CES1: variants seen among roughly 807,000 people sequenced by gnomAD.
CES1 encodes liver carboxylesterase 1.
A neutral mutation model predicts 53.0 loss-of-function variants in CES1; 50 were observed. The observed-to-expected ratio is 0.94, with a 90% CI of 0.75 to 1.19. The LOEUF is 1.19. CES1 is among the 50% of genes most tolerant of loss of function. CES1 has a pLI of 0.00. For synonymous variants in CES1, 202 were observed against 210.1 expected (o/e 0.96, Z 0.33); for missense variants, 534 against 538.0 (o/e 0.99, Z 0.07).
intron 2 of CES1, among the ~76,000 whole-genome samples, chr16:55,826,617 G>A (rs185778970): frequency 1.3e-5 from 2 of 152,270 alleles, no homozygotes; most frequent in Admixed American, 1.3e-4. Flanking sequence ...AATAGCTCAG[G>A]GGTGATATCT....
chr16:55,830,305 G>T (rs2032586357), intron 1 of CES1, among the ~76,000 whole-genome samples: 1 of 152,102 alleles, frequency 6.6e-6, no homozygotes, highest in African/African-American at 2.4e-5. Context: ...ATACTGAGAT[G>T]AACTTCCTTG....
intron 7 of CES1, among the ~76,000 whole-genome samples, 172 bp downstream of exon 7, chr16:55,819,363 T>A (rs545531767): frequency 3.9e-5 from 6 of 152,320 alleles, no homozygotes; most frequent in African/African-American, 1.4e-4. Context: ...TTGACTTTCT[T>A]TTTTTACATT....
At chr16:55,817,346 T>C (rs1315341371) in intron 7 of CES1, among the ~76,000 whole-genome samples, 15 of 152,202 alleles carry the variant, frequency 9.9e-5, no homozygotes, top group Non-Finnish European at 1.5e-5. Flanking sequence ...TATCCTATGA[T>C]CATCTGGACC....
At chr16:55,815,395 G>A (rs1597072827) in intron 8 of CES1, among the ~76,000 whole-genome samples, 1 of 152,212 alleles carries the variant, frequency 6.6e-6, no homozygotes, top group Admixed American at 6.5e-5. Flanking sequence ...GAAATGGGGA[G>A]AGAAGGTGAA....
intron 1 of CES1, among the ~76,000 whole-genome samples, chr16:55,830,563 G>A (rs1237666730): frequency 2.0e-5 from 3 of 152,142 alleles, no homozygotes; most frequent in East Asian, 1.9e-4. Flanking sequence ...AGCACTTTGG[G>A]AGGCCAAGGC....
At chr16:55,820,807 C>A (rs2032150804) in intron 5 of CES1, among the ~76,000 whole-genome samples, 1 of 152,088 alleles carries the variant, frequency 6.6e-6, no homozygotes, top group Non-Finnish European at 1.5e-5. Flanking sequence ...CCTTCCTCTG[C>A]CTGCCTCCCC....
chr16:55,818,185 G>T (rs1597076687), intron 7 of CES1, among the ~76,000 whole-genome samples: 1 of 152,182 alleles, frequency 6.6e-6, no homozygotes, highest in Admixed American at 6.5e-5. Flanking sequence ...CCCCCTCAAA[G>T]GGAATAGTTC....
chr16:55,823,134 C>G (rs2032270672), intron 4 of CES1, among the ~76,000 whole-genome samples: 2 of 151,888 alleles, frequency 1.3e-5, no homozygotes, highest in African/African-American at 4.8e-5. Flanking sequence ...CCTGAGCTCC[C>G]TCTGTGACTC....
chr16:55,825,546 A>C (rs1458994166), intron 3 of CES1, among the ~76,000 whole-genome samples: 1 of 152,276 alleles, frequency 6.6e-6, no homozygotes, highest in Non-Finnish European at 1.5e-5. Context: ...GCCAAAGGCA[A>C]AAGGAAGAGC....
chr16:55,830,612 G>A (rs1427282782), intron 1 of CES1, among the ~76,000 whole-genome samples: 1 of 152,032 alleles, frequency 6.6e-6, no homozygotes, highest in Non-Finnish European at 1.5e-5. Context: ...AGACCAGCCT[G>A]GCCAACATGG....
rs146595460 is a variant in CES1 at position 55,810,997 on chromosome 16, T to C, written c.1100A>G (p.Tyr367Cys). 6.5e-4 allele frequency: 1,037 copies of C among 1,602,090 alleles called. No individual in the cohort carries two copies. In the Middle Eastern group the frequency reaches 0.023, roughly 36 times the overall value. The change falls in exon 10 of 14, where the codon TAT becomes TGT. Residue 367 changes from tyrosine to cysteine, a missense_variant. Transcript: ENST00000360526. ...GWLIPMQLMS[Y>C]PLSEGQLDQK... is the part of the protein sequence containing the mutation. The stretch of plus-strand genomic sequence containing the variant: ...GTCCAGTTGCCCTTCGGAGAGTGGA[T>C]AGCTCATCAACTGCTAAAAAAAAAA...
intron 8 of CES1, among the ~76,000 whole-genome samples, chr16:55,815,383 T>A (rs2031894435): frequency 6.6e-6 from 1 of 152,162 alleles, no homozygotes; most frequent in South Asian, 2.1e-4. Context: ...CCATGAGACA[T>A]GGAAATGGGG....
At chr16:55,831,672 A>G (rs2032681059) in intron 1 of CES1, among the ~76,000 whole-genome samples, 1 of 148,544 alleles carries the variant, frequency 6.7e-6, no homozygotes, top group Admixed American at 6.8e-5. Context: ...ACCAGAGGTA[A>G]AGGAACATTC....
chr16:55,830,624 G>A (rs112508263), intron 1 of CES1, among the ~76,000 whole-genome samples: 5 of 152,152 alleles, frequency 3.3e-5, no homozygotes, highest in South Asian at 4.1e-4. Flanking sequence ...CCAACATGGT[G>A]AAACCCCCTC....
chr16:55,824,586 G>C (rs1199273926), intron 3 of CES1, among the ~76,000 whole-genome samples: 4 of 152,210 alleles, frequency 2.6e-5, no homozygotes, highest in Admixed American at 2.6e-4. Flanking sequence ...ACTCAAAAGT[G>C]GTAGCAGCAG....
At chr16:55,827,598 C>T (rs1225140559) in intron 2 of CES1, among the ~76,000 whole-genome samples, 1 of 152,028 alleles carries the variant, frequency 6.6e-6, no homozygotes, top group Non-Finnish European at 1.5e-5. Context: ...CATGAATGTG[C>T]ATAAATGTTT....
chr16:55,811,785 A>G (rs1317154380), intron 9 of CES1, among the ~76,000 whole-genome samples: 1 of 151,848 alleles, frequency 6.6e-6, no homozygotes, highest in African/African-American at 2.4e-5. Flanking sequence ...CTACCACCCA[A>G]CCCCATTTCC....
At chr16:55,829,069 A>T in intron 1 of CES1, 95 bp from the exon 2 acceptor site, 2 of 1,342,828 alleles carry the variant, frequency 1.5e-6, no homozygotes, top group Non-Finnish European at 2.1e-6. Flanking sequence ...GTGACCTTAA[A>T]TAAGTCACCT....
At chr16:55,808,134 G>T (rs2031519374) in intron 11 of CES1, among the ~76,000 whole-genome samples, 1 of 91,022 alleles carries the variant, frequency 1.1e-5, no homozygotes, top group Non-Finnish European at 2.1e-5. Context: ...AACAAAACTT[G>T]CTAAAAGGAG....
Sources: allele counts gnomAD v4.1 joint callset (sites outside exome capture counted in the v4.1 genomes callset), GRCh38; gene constraint gnomAD v4.1.1; transcripts MANE v1.5; gene names NCBI Gene and HGNC (gene_info 2026-07-23, HGNC 2026-07-21).